The following PDE10A variants were observed in gnomAD, a reference collection of about 807,000 sequenced individuals.
The protein encoded by PDE10A is cAMP and cAMP-inhibited cGMP 3',5'-cyclic phosphodiesterase 10A.
Under a neutral mutation model 97.7 loss-of-function variants are expected in PDE10A, and 39 were observed. That is an observed-to-expected ratio of 0.40 (90% CI 0.31 to 0.52). The LOEUF (loss-of-function observed/expected upper bound fraction) is 0.52. Ranked by LOEUF, PDE10A falls within the 20% of genes least tolerant of loss-of-function variation. PDE10A has a pLI of 0.56. For missense variants in PDE10A, 731 were observed against 1,047.8 expected (o/e 0.70, Z 4.17); for synonymous variants, 371 against 376.8 (o/e 0.98, Z 0.18).
intron 1 of PDE10A, among the ~76,000 whole-genome samples, chr6:165,857,778 G>C (rs1302875970): frequency 6.6e-6 from 1 of 151,758 alleles, no homozygotes; most frequent in African/African-American, 2.4e-5. Context: ...ACAGATTAGG[G>C]CAATGCATCA....
At chr6:165,864,103 T>C (rs1002081270) in intron 1 of PDE10A, among the ~76,000 whole-genome samples, 2 of 152,102 alleles carry the variant, frequency 1.3e-5, no homozygotes, top group African/African-American at 4.8e-5. Flanking sequence ...TAAAGACACC[T>C]CATTGTGTAC....
At chr6:165,392,142 A>T (rs1785766302) in intron 16 of PDE10A, among the ~76,000 whole-genome samples, 1 of 152,226 alleles carries the variant, frequency 6.6e-6, no homozygotes, top group Non-Finnish European at 1.5e-5. Context: ...CTCCAATTCT[A>T]ACTCTGAGAT....
intron 1 of PDE10A, among the ~76,000 whole-genome samples, chr6:165,912,033 A>G (rs1455123405): frequency 6.7e-6 from 1 of 150,304 alleles, no homozygotes; most frequent in South Asian, 2.1e-4. Context: ...CTCTCTTTTC[A>G]CCTATCTATC....
At chr6:165,402,728 G>GT (rs770334212) in intron 13 of PDE10A, among the ~76,000 whole-genome samples, 127 of 152,198 alleles carry the variant, frequency 8.3e-4, no homozygotes, top group Non-Finnish European at 1.4e-3. Context: ...AAACAGGACT[G>GT]TAAGAGCATG....
chr6:165,764,751 A>G (rs1438137402), intron 1 of PDE10A, among the ~76,000 whole-genome samples: 1 of 152,186 alleles, frequency 6.6e-6, no homozygotes, highest in African/African-American at 2.4e-5. Flanking sequence ...CTGTGGACCC[A>G]AAGAGTGAGC....
chr6:165,882,160 C>T (rs1167816285), intron 1 of PDE10A, among the ~76,000 whole-genome samples: 2 of 152,188 alleles, frequency 1.3e-5, no homozygotes, highest in African/African-American at 4.8e-5. Context: ...CACTCCATGG[C>T]CATCCCCGAC....
chr6:165,406,388 A>G (rs1194440453), intron 13 of PDE10A, among the ~76,000 whole-genome samples: 1 of 152,122 alleles, frequency 6.6e-6, no homozygotes. Context: ...GGGAATATAC[A>G]ATACTCTTAA....
chr6:165,788,343 C>T (rs1334613723), intron 1 of PDE10A, among the ~76,000 whole-genome samples: 1 of 151,550 alleles, frequency 6.6e-6, no homozygotes, highest in Non-Finnish European at 1.5e-5. Context: ...CATGGAGAAA[C>T]CTCATCTCTA....
At chr6:165,885,083 G>A (rs1206649060) in intron 1 of PDE10A, among the ~76,000 whole-genome samples, 2 of 152,136 alleles carry the variant, frequency 1.3e-5, no homozygotes, top group Non-Finnish European at 2.9e-5. Flanking sequence ...GGCCCACCCA[G>A]AGCTGGGAAC....
intron 1 of PDE10A, among the ~76,000 whole-genome samples, chr6:165,843,338 A>T (rs1271179389): frequency 6.6e-6 from 1 of 152,208 alleles, no homozygotes; most frequent in African/African-American, 2.4e-5. Flanking sequence ...ACACACAGGC[A>T]TGCACCAGCC....
intron 2 of PDE10A, among the ~76,000 whole-genome samples, chr6:165,525,697 G>C (rs1454759126): frequency 6.6e-6 from 1 of 152,028 alleles, no homozygotes; most frequent in Non-Finnish European, 1.5e-5. Context: ...TAAATACAAT[G>C]GAAATAACTG....
At chr6:165,364,850 A>G (rs993306813) in intron 18 of PDE10A, among the ~76,000 whole-genome samples, 7 of 152,170 alleles carry the variant, frequency 4.6e-5, no homozygotes, top group African/African-American at 1.7e-4. Flanking sequence ...TTAGAAAATT[A>G]CTTTGAAATA....
chr6:165,668,293 T>A (rs1422239508), intron 1 of PDE10A, among the ~76,000 whole-genome samples: 1 of 152,192 alleles, frequency 6.6e-6, no homozygotes, highest in Non-Finnish European at 1.5e-5. Context: ...ATACCCTGAT[T>A]TCTATGGACA....
intron 1 of PDE10A, among the ~76,000 whole-genome samples, chr6:165,651,041 G>A (rs58349034): frequency 6.6e-6 from 1 of 152,106 alleles, no homozygotes; most frequent in Non-Finnish European, 1.5e-5. Context: ...CAGCCAACAT[G>A]CATTTTTAAT....
intron 1 of PDE10A, among the ~76,000 whole-genome samples, chr6:165,743,384 T>A (rs1359798861): frequency 1.3e-5 from 2 of 152,234 alleles, no homozygotes; most frequent in Non-Finnish European, 2.9e-5. Flanking sequence ...ACAGTACTAA[T>A]AACTGAACTA....
upstream of PDE10A, among the ~76,000 whole-genome samples, chr6:165,665,740 G>A (rs954592294): frequency 6.6e-6 from 1 of 151,714 alleles, no homozygotes; most frequent in South Asian, 2.1e-4. Context: ...TTAACACCAG[G>A]TGCCAAAATA....
At chr6:165,758,135 A>T (rs897796298) in intron 1 of PDE10A, among the ~76,000 whole-genome samples, 13 of 152,226 alleles carry the variant, frequency 8.5e-5, no homozygotes, top group Non-Finnish European at 1.3e-4. Context: ...TAAAAACTTA[A>T]AATTAGGCTT....
At chr6:165,670,737 G>GT (rs1790625078) in intron 1 of PDE10A, among the ~76,000 whole-genome samples, 1 of 152,146 alleles carries the variant, frequency 6.6e-6, no homozygotes, top group Non-Finnish European at 1.5e-5. Context: ...AACTGGTCTA[G>GT]TTAGAAGGGG....
At chr6:165,479,076 G>A (rs964072694) in intron 3 of PDE10A, among the ~76,000 whole-genome samples, 1 of 152,138 alleles carries the variant, frequency 6.6e-6, no homozygotes, top group Non-Finnish European at 1.5e-5. Flanking sequence ...GGTTGTCATA[G>A]GCATGTCCTT....
Sources: gnomAD v4.1 joint callset for allele counts (sites outside exome capture counted in the v4.1 genomes callset) on GRCh38, gnomAD v4.1.1 for gene constraint, MANE v1.5 for transcripts, NCBI Gene and HGNC (gene_info 2026-07-23, HGNC 2026-07-21) for gene names.